The following FAM227A variants were observed in gnomAD, a reference collection of about 807,000 sequenced individuals.
FAM227A encodes the protein protein FAM227A.
FAM227A carries 80 observed loss-of-function variants against 74.7 expected under a neutral mutation model. The ratio of observed to expected loss-of-function variants is 1.07; its 90% confidence interval spans 0.89 to 1.29. The LOEUF (loss-of-function observed/expected upper bound fraction) is 1.29. FAM227A is among the 50% of genes most tolerant of loss of function. The pLI is 0.00. For synonymous variants in FAM227A, 237 were observed against 241.8 expected (o/e 0.98, Z 0.19); for missense variants, 654 against 683.4 (o/e 0.96, Z 0.48).
chr22:38,594,150 T>C (rs2090996351), intron 15 of FAM227A, among the ~76,000 whole-genome samples: 1 of 152,214 alleles, frequency 6.6e-6, no homozygotes, highest in Non-Finnish European at 1.5e-5. Context: ...TTTAGCCTTG[T>C]TGAGACTGCC....
chr22:38,591,199 C>T (rs2090926011), intron 16 of FAM227A, among the ~76,000 whole-genome samples: 1 of 152,096 alleles, frequency 6.6e-6, no homozygotes, highest in Non-Finnish European at 1.5e-5. Context: ...TGGCACACAC[C>T]TGTGGTCCCA....
chr22:38,645,790 TCTTC>T (rs1343605341), intron 2 of FAM227A, 145 bp from the exon 3 acceptor site: 7 of 597,934 alleles, frequency 1.2e-5, no homozygotes, highest in African/African-American at 7.7e-5. Context: ...CACATTTCTT[TCTTC>T]CTTTTTTCTG....
intron 2 of FAM227A, 57 bp from the exon 3 acceptor site, chr22:38,645,702 G>A: frequency 8.8e-7 from 1 of 1,139,596 alleles, no homozygotes. Flanking sequence ...ACAACAGGAT[G>A]GGGCTTGTCT....
intron 11 of FAM227A, among the ~76,000 whole-genome samples, chr22:38,614,406 G>A (rs2091532770): frequency 6.6e-6 from 1 of 152,168 alleles, no homozygotes; most frequent in Admixed American, 6.5e-5. Flanking sequence ...TCTGTGGTTA[G>A]ATACTTTTGC....
intron 11 of FAM227A, among the ~76,000 whole-genome samples, chr22:38,616,986 C>G (rs1442787930): frequency 6.6e-6 from 1 of 151,960 alleles, no homozygotes; most frequent in African/African-American, 2.4e-5. Context: ...TTCCTGCTGA[C>G]TGCTTGTGAT....
At chr22:38,654,334 C>T (rs2092361038) in intron 1 of FAM227A, among the ~76,000 whole-genome samples, 1 of 149,378 alleles carries the variant, frequency 6.7e-6, no homozygotes, top group Non-Finnish European at 1.5e-5. Context: ...GCAACAAGAG[C>T]AAAACTCGGT....
intron 14 of FAM227A, among the ~76,000 whole-genome samples, chr22:38,599,099 C>T (rs1199455629): frequency 1.3e-5 from 2 of 151,872 alleles, no homozygotes; most frequent in Non-Finnish European, 2.9e-5. Flanking sequence ...TGCGATTATA[C>T]AGGCACGCAC....
At chr22:38,636,666 C>T in intron 5 of FAM227A, 69 bp from the exon 6 acceptor site, 6 of 1,378,280 alleles carry the variant, frequency 4.4e-6, no homozygotes, top group Non-Finnish European at 5.9e-6. Context: ...AGGCTAGCTT[C>T]CCCTCTTTAT....
chr22:38,588,284 C>G (rs1465789920), intron 16 of FAM227A, among the ~76,000 whole-genome samples: 3 of 152,080 alleles, frequency 2.0e-5, no homozygotes, highest in Non-Finnish European at 4.4e-5. Context: ...TAGCATGATT[C>G]TATACGTTGA....
intron 13 of FAM227A, among the ~76,000 whole-genome samples, chr22:38,603,970 T>C (rs1369004547): frequency 1.3e-5 from 2 of 152,078 alleles, no homozygotes; most frequent in African/African-American, 4.8e-5. Flanking sequence ...CTAAAAGCCA[T>C]AAGAGACTAC....
intron 10 of FAM227A, among the ~76,000 whole-genome samples, chr22:38,622,324 C>T (rs1448022515): frequency 6.6e-6 from 1 of 152,180 alleles, no homozygotes; most frequent in African/African-American, 2.4e-5. Context: ...TCTTGAATTC[C>T]TTCCTGGAAA....
intron 11 of FAM227A, among the ~76,000 whole-genome samples, chr22:38,612,155 CCCTCCAATACAT>C (rs1198402646): frequency 6.6e-6 from 1 of 152,112 alleles, no homozygotes; most frequent in Non-Finnish European, 1.5e-5. Flanking sequence ...TCTTCTGTGC[CCCTCCAATACAT>C]CCTCCATATT....
At chr22:38,626,134 A>G in intron 9 of FAM227A, 46 bp downstream of exon 9, 1 of 1,545,736 alleles carries the variant, frequency 6.5e-7, no homozygotes. Context: ...AGCGGAAAAC[A>G]TTTTTCTAGA....
At position 38,585,889 on chromosome 22, in the gene FAM227A, TA is replaced by T; in HGVS notation, c.*235del. The T allele has an allele frequency of 1.1e-6, 1 of 945,432 alleles. No homozygotes were observed. Among genetic ancestry groups the T allele is most frequent in the Non-Finnish European group, 1.5e-6 (1 of 656,136 alleles). 58.6% of individuals were successfully genotyped at this position (945,432 alleles called of 1,614,324 possible). On this transcript the variant is annotated 3_prime_UTR_variant, in exon 17 of 17. Transcript: ENST00000535113. ...AACATACTTACCAGCATGCACGTAA[TA>T]AAATACTGAAAGAGTAAATCTATGA...
chr22:38,631,317 A>G (rs1337898658), intron 6 of FAM227A, among the ~76,000 whole-genome samples: 4 of 152,198 alleles, frequency 2.6e-5, no homozygotes, highest in Admixed American at 2.0e-4. Context: ...GTTCTCACTT[A>G]TAAGTGGGAG....
At chr22:38,643,967 G>A (rs1200224023) in intron 3 of FAM227A, among the ~76,000 whole-genome samples, 1 of 151,860 alleles carries the variant, frequency 6.6e-6, no homozygotes, top group African/African-American at 2.4e-5. Context: ...CTAACATGGT[G>A]AAACCCCGTC....
At chr22:38,644,225 C>T (rs542935083) in intron 3 of FAM227A, among the ~76,000 whole-genome samples, 18 of 150,766 alleles carry the variant, frequency 1.2e-4, no homozygotes, top group African/African-American at 3.7e-4. Flanking sequence ...AAAAAGGCTA[C>T]GTACTATATG....
chr22:38,612,536 CAT>C (rs1260602407), intron 11 of FAM227A, among the ~76,000 whole-genome samples: 2 of 152,188 alleles, frequency 1.3e-5, no homozygotes, highest in African/African-American at 4.8e-5. Flanking sequence ...TTACTTGTTA[CAT>C]GTGTGCTTTT....
In FAM227A at chr22:38,628,445, TATTCTC is replaced by T. The variant is rs1330584964; in HGVS notation, c.622-109_622-104del. On this transcript the variant is annotated intron_variant, in intron 7 of 16. Transcript: ENST00000535113. ...GTATTGTTTTCATTTCCAAGAATCTTATTCTCAAGATATTTAGCCTCATATGCTTTA... is the reference window on the plus strand; with the variant it reads ...GTATTGTTTTCATTTCCAAGAATCTTAAGATATTTAGCCTCATATGCTTTA... The T allele has an allele frequency of 3.6e-5, 27 of 746,530 alleles. No individual in the cohort carries two copies. The East Asian group carries it at 6.2e-4, about 17-fold the overall frequency. 46.2% of individuals were successfully genotyped at this position (746,530 alleles called of 1,614,324 possible).
Sources: gnomAD v4.1 joint callset for allele counts (sites outside exome capture counted in the v4.1 genomes callset) on GRCh38, gnomAD v4.1.1 for gene constraint, MANE v1.5 for transcripts, NCBI Gene and HGNC (gene_info 2026-07-23, HGNC 2026-07-21) for gene names.